Variants in RIT2 observed in about 807,000 individuals in gnomAD.
RIT2 encodes the protein Ras like without CAAX 2.
A neutral mutation model predicts 23.7 loss-of-function variants in RIT2; 24 were observed. The ratio of observed to expected loss-of-function variants is 1.01; its 90% CI spans 0.73 to 1.43. RIT2 has a LOEUF of 1.43. Ranked by LOEUF, RIT2 falls within the 40% of genes most tolerant of loss-of-function variation. The pLI is 0.00. For missense variants in RIT2, 236 were observed against 266.9 expected (o/e 0.88, Z 0.81); for synonymous variants, 107 against 91.1 (o/e 1.17, Z -0.99).
At chr18:42,862,341 A>G (rs1462120947) in intron 4 of RIT2, among the ~76,000 whole-genome samples, 1 of 152,094 alleles carries the variant, frequency 6.6e-6, no homozygotes, top group Admixed American at 6.6e-5. Flanking sequence ...AAGTTTCCTG[A>G]GGCCTCCCCA....
In RIT2 at chr18:42,787,140, C is replaced by G. The variant is rs1188917518; in HGVS notation, c.427-43420G>C. Among the ~76,000 whole-genome samples, 4 of 110,280 alleles carry G rather than the reference C, an allele frequency of 3.6e-5. No individual in the cohort carries two copies. In the South Asian group the frequency reaches 1.5e-3, roughly 42 times the overall value. The allele number at this position is 110,280 out of a possible 152,430, so 72.3% of individuals were successfully genotyped here. A position where few individuals can be genotyped will look rare whatever the true frequency, so the allele number is the denominator to read the frequency against. ...GCTATCCCTCCCCCCTCCCCCCACC[C>G]CACGACAGGCTCCTGTGTGTGATGT... is the stretch of plus-strand genomic sequence containing the variant. On this transcript the variant is annotated intron_variant, in intron 4 of 4. Transcript: ENST00000326695.
At chr18:42,873,692 A>C (rs1907676466) in intron 4 of RIT2, among the ~76,000 whole-genome samples, 1 of 152,172 alleles carries the variant, frequency 6.6e-6, no homozygotes, top group Non-Finnish European at 1.5e-5. Flanking sequence ...AACAGAAGGA[A>C]TATTCAAGAT....
chr18:43,052,473 T>C lies in RIT2; in HGVS notation c.104-18606A>G, dbSNP rs368604194. On this transcript the variant is annotated intron_variant, in intron 1 of 4. Coordinates refer to ENST00000326695, the MANE Select transcript of RIT2 (RefSeq NM_002930.4). ...CTTTTTGAATACTTCACGGGCTTTATCATATAACCTCCCATATAAAACTCT... is the reference window on the plus strand; with the variant it reads ...CTTTTTGAATACTTCACGGGCTTTACCATATAACCTCCCATATAAAACTCT... Among the ~76,000 whole-genome samples, 10 of 152,254 alleles carry C rather than the reference T, an allele frequency of 6.6e-5. No homozygotes were observed. In the East Asian group the frequency reaches 1.5e-3, roughly 24 times the overall value.
chr18:43,003,344 A>G (rs1343157869), intron 2 of RIT2, among the ~76,000 whole-genome samples: 1 of 152,102 alleles, frequency 6.6e-6, no homozygotes, highest in East Asian at 2.0e-4. Flanking sequence ...TGAGAGATTT[A>G]CAAATGTTAT....
chr18:42,850,656 T>A (rs188516234), intron 4 of RIT2, among the ~76,000 whole-genome samples: 1 of 152,250 alleles, frequency 6.6e-6, no homozygotes, highest in East Asian at 1.9e-4. Context: ...AAAGAAAAAA[T>A]ATTTCATGAG....
At chr18:42,914,586 TATA>T (rs1908854211) in intron 4 of RIT2, among the ~76,000 whole-genome samples, 1 of 152,042 alleles carries the variant, frequency 6.6e-6, no homozygotes. Flanking sequence ...AAAATAATTA[TATA>T]GATGAAAAAT....
At chr18:43,067,538 T>A (rs1317537588) in intron 1 of RIT2, among the ~76,000 whole-genome samples, 4 of 152,162 alleles carry the variant, frequency 2.6e-5, no homozygotes, top group African/African-American at 9.6e-5. Context: ...ATAGCTCAAA[T>A]CAGGGGCTTC....
chr18:43,110,374 A>T (rs1193967591), intron 1 of RIT2, among the ~76,000 whole-genome samples: 4 of 152,088 alleles, frequency 2.6e-5, no homozygotes, highest in Admixed American at 1.3e-4. Context: ...TTTTTATTAA[A>T]TAAAATCTGT....
At chr18:43,007,974 T>G (rs1911264604) in intron 2 of RIT2, among the ~76,000 whole-genome samples, 1 of 151,586 alleles carries the variant, frequency 6.6e-6, no homozygotes, top group Non-Finnish European at 1.5e-5. Context: ...AACTAAGCAT[T>G]GATTATCAAT....
intron 4 of RIT2, among the ~76,000 whole-genome samples, chr18:42,784,019 A>C (rs970199893): frequency 6.6e-6 from 1 of 152,050 alleles, no homozygotes; most frequent in Non-Finnish European, 1.5e-5. Flanking sequence ...GACATTTTCA[A>C]AGAATTAACA....
intron 1 of RIT2, among the ~76,000 whole-genome samples, chr18:43,067,914 G>C (rs1912807877): frequency 6.6e-6 from 1 of 151,994 alleles, no homozygotes; most frequent in African/African-American, 2.4e-5. Context: ...AGGGGGGCTG[G>C]AATTTTATTT....
chr18:42,980,092 G>A (rs1462972293), intron 2 of RIT2, among the ~76,000 whole-genome samples: 6 of 152,114 alleles, frequency 3.9e-5, no homozygotes, highest in African/African-American at 1.4e-4. Flanking sequence ...AACATTCAGT[G>A]AAATGTCATA....
At chr18:43,016,698 G>T (rs1911483477) in intron 2 of RIT2, among the ~76,000 whole-genome samples, 1 of 151,810 alleles carries the variant, frequency 6.6e-6, no homozygotes, top group Non-Finnish European at 1.5e-5. Flanking sequence ...TTTAATCAGA[G>T]AAAGTCAAAT....
chr18:43,026,624 GAA>G (rs869093035), intron 2 of RIT2, among the ~76,000 whole-genome samples: 6,593 of 140,340 alleles, frequency 0.047, 245 homozygotes, highest in Middle Eastern at 0.067. Flanking sequence ...AAGAAAGAAA[GAA>G]AGAAAGAAAG....
At chr18:42,934,148 T>C (rs982524278) in intron 3 of RIT2, among the ~76,000 whole-genome samples, 8 of 151,728 alleles carry the variant, frequency 5.3e-5, no homozygotes, top group African/African-American at 9.7e-5. Context: ...CATACAAATA[T>C]AGTAGGAAAA....
At position 42,940,236 on chromosome 18, in the gene RIT2, C is replaced by CTATATATATATATATA. The variant is rs5824460; in HGVS notation, c.235-16489_235-16474dup. ...CCTCTCTCAAATTTTGAAAGGCTCACTATATATATATATATATATATATAT... is the reference window on the plus strand; with the variant it reads ...CCTCTCTCAAATTTTGAAAGGCTCACTATATATATATATATATATATATATATATATATATATATAT... On this transcript the variant is annotated intron_variant, in intron 3 of 4. Transcript: ENST00000326695. Among the ~76,000 whole-genome samples, 171 of 86,918 alleles carry CTATATATATATATATA rather than the reference C, an allele frequency of 2.0e-3. 4 individuals carry two copies. Among genetic ancestry groups the CTATATATATATATATA allele is most frequent in the East Asian group, 7.4e-3 (12 of 1,620 alleles). The allele number at this position is 86,918 out of a possible 152,430, so 57.0% of individuals were successfully genotyped here. A position where few individuals can be genotyped will look rare whatever the true frequency, so the allele number is the denominator to read the frequency against.
intron 4 of RIT2, among the ~76,000 whole-genome samples, chr18:42,845,929 C>T (rs1344338718): frequency 6.6e-6 from 1 of 151,754 alleles, no homozygotes; most frequent in East Asian, 1.9e-4. Context: ...TTTTTTAATG[C>T]ATATATGAGA....
chr18:42,864,303 T>C (rs1035910175), intron 4 of RIT2, among the ~76,000 whole-genome samples: 5 of 152,210 alleles, frequency 3.3e-5, no homozygotes, highest in Non-Finnish European at 7.4e-5. Context: ...TTCCACATTA[T>C]GCCCCTGAAT....
chr18:42,746,605 A>C (rs896829864), intron 4 of RIT2, among the ~76,000 whole-genome samples: 2 of 152,066 alleles, frequency 1.3e-5, no homozygotes, highest in African/African-American at 4.8e-5. Flanking sequence ...AAAGTTGACA[A>C]AATAAAATCC....
Sources: allele counts gnomAD v4.1 joint callset (sites outside exome capture counted in the v4.1 genomes callset), GRCh38; gene constraint gnomAD v4.1.1; transcripts MANE v1.5; gene names NCBI Gene and HGNC (gene_info 2026-07-23, HGNC 2026-07-21).